The following PDZD7 variants were observed in gnomAD, a reference collection of about 807,000 sequenced individuals.
PDZD7 encodes the protein PDZ domain containing 7, also known as PDZ domain-containing protein 7.
Under a neutral mutation model 84.7 loss-of-function variants are expected in PDZD7, and 72 were observed. The ratio of observed to expected loss-of-function variants is 0.85; its 90% CI spans 0.70 to 1.03. PDZD7 has a LOEUF of 1.03. Ranked by LOEUF, PDZD7 falls within the 50% of genes least tolerant of loss-of-function variation. PDZD7 has a pLI of 0.00. For missense variants in PDZD7, 1,490 were observed against 1,412.9 expected, an observed-to-expected ratio of 1.05 and a Z score of -0.87; for synonymous variants, 594 against 580.7, an observed-to-expected ratio of 1.02 and a Z score of -0.33.
At chr10:101,011,311 G>C (rs764305581) in intron 14 of PDZD7, 11 of 401,052 alleles carry the variant, frequency 2.7e-5, no homozygotes, top group Middle Eastern at 8.6e-4. Flanking sequence ...AAAGTGCTGG[G>C]ATTACAGGCG....
intron 13 of PDZD7, 46 bp downstream of exon 13, chr10:101,011,879 C>A: frequency 6.5e-7 from 1 of 1,549,412 alleles, no homozygotes; most frequent in Non-Finnish European, 8.7e-7. Flanking sequence ...CCATCCCCAC[C>A]CCCAGCAGGG....
rs1853150471 is a variant in PDZD7, at chr10:101,022,216, C to T, written c.712G>A (p.Val238Met). The change falls in exon 5 of 17, where the codon GTG becomes ATG. Residue 238 changes from valine (V) to methionine (M), a missense_variant. Transcript: ENST00000619208. ...TCCTGCCTCAGCCCTCACTTGGACA[C>T]ATAGATGCCCAGGCCAAACTCCTTG... Reference protein sequence around the residue: ...GGKEFGLGIYVSKVDHGGLAE... With the variant: ...GGKEFGLGIYMSKVDHGGLAE... The T allele has an allele frequency of 6.2e-7, 1 of 1,614,094 alleles. No homozygotes were observed. Among genetic ancestry groups the T allele is most frequent in the African/African-American group, 1.3e-5 (1 of 74,936 alleles).
At chr10:101,016,261 C>T (rs1852620387) in intron 10 of PDZD7, 116 bp downstream of exon 10, 1 of 1,042,480 alleles carries the variant, frequency 9.6e-7, no homozygotes. Flanking sequence ...CTGCCTGATC[C>T]CCCATGCTTG....
intron 3 of PDZD7, 81 bp downstream of exon 3, chr10:101,023,847 C>G (rs1318481952): frequency 1.2e-6 from 2 of 1,606,862 alleles, no homozygotes; most frequent in Non-Finnish European, 1.7e-6. Flanking sequence ...TCCGTCTGTC[C>G]CTGACAGCAG....
intron 4 of PDZD7, 117 bp from the exon 5 acceptor site, chr10:101,022,502 G>A: frequency 3.4e-6 from 4 of 1,179,554 alleles, no homozygotes; most frequent in Non-Finnish European, 4.9e-6. Context: ...GACTCCCCAG[G>A]CCTGAGACCT....
At chr10:101,020,066 C>T (rs1412834102) in intron 7 of PDZD7, among the ~76,000 whole-genome samples, 1 of 150,414 alleles carries the variant, frequency 6.6e-6, no homozygotes, top group Admixed American at 6.6e-5. Flanking sequence ...GTAGCACAGA[C>T]CACAGGCCCT....
chr10:101,016,512 G>A, intron 9 of PDZD7, 85 bp from the exon 10 acceptor site: 1 of 1,403,664 alleles, frequency 7.1e-7, no homozygotes, highest in Non-Finnish European at 9.8e-7. Context: ...AAGCTGGAAT[G>A]GAGAATTCAG....
At chr10:101,023,325 G>A in intron 4 of PDZD7, 111 bp downstream of exon 4, 3 of 1,357,984 alleles carry the variant, frequency 2.2e-6, no homozygotes, top group South Asian at 1.2e-5. Context: ...CGTTTCCTGA[G>A]CCAGCGAGCA....
At chr10:101,020,556 C>T (rs542989771) in intron 7 of PDZD7, 62 bp downstream of exon 7, 25 of 1,493,430 alleles carry the variant, frequency 1.7e-5, no homozygotes, top group South Asian at 2.3e-5. Flanking sequence ...CTTCAGAGAG[C>T]CGGGCCCCAC....
chr10:101,028,390 C>T (rs557886432), intron 2 of PDZD7, among the ~76,000 whole-genome samples: 1 of 152,230 alleles, frequency 6.6e-6, no homozygotes, highest in East Asian at 1.9e-4. Flanking sequence ...GAGTTCAAGA[C>T]CAGCCTGGGC....
In PDZD7 at chr10:101,022,407, T is replaced by C. The variant is rs1366776373; in HGVS notation, c.543-22A>G. The C allele has an allele frequency of 9.9e-6, 16 of 1,613,176 alleles. No homozygotes were observed. In the South Asian group the frequency reaches 1.8e-4, roughly 18 times the overall value. ...CACCCTGGACAACAGCAGGGGGCCC[T>C]CAGGTGGGGTCCTCCATCCACTGCC... On this transcript the variant is annotated intron_variant, in intron 4 of 16. Transcript: ENST00000619208.
rs1852352991 is a variant in PDZD7 at position 101,010,404 on chromosome 10, C to G, written c.2485G>C (p.Glu829Gln). 1.3e-6 allele frequency: 2 copies of G among 1,536,198 alleles called. No homozygotes were observed. The highest frequency in any genetic ancestry group is 1.7e-6 in the Non-Finnish European group (2 of 1,146,930). Residue 829 changes from glutamate to glutamine, a missense_variant, in exon 15 of 17, where the codon GAG (glutamate) becomes CAG (glutamine). Glu to Gln is a conservative substitution (Grantham distance 29). Transcript: ENST00000619208. Reference protein sequence around the residue: ...RPPLPRPLDGEAAKVGAKQGP... With the variant: ...RPPLPRPLDGQAAKVGAKQGP... ...TGCTTGGCCCCCACCTTGGCTGCCT[C>G]CCCATCCAGAGGTCGTGGCAGAGGG...
chr10:101,017,023 AT>A (rs1403674778), intron 9 of PDZD7, among the ~76,000 whole-genome samples: 1 of 151,948 alleles, frequency 6.6e-6, no homozygotes, highest in Non-Finnish European at 1.5e-5. Context: ...CAGCACCCTG[AT>A]TTTCCCCTGG....
Position 101,008,820 on chromosome 10 carries a change from C to T in PDZD7, c.2749G>A (p.Glu917Lys). ...AGFELVAVDGENLEQVTHQRA... is the reference protein window; with the variant it reads ...AGFELVAVDGKNLEQVTHQRA... ...TGGTGGGTCACCTGCTCTAGATTCT[C>T]TCCGTCCACTGCCACAAGCTCGAAG... The change falls in exon 17 of 17, where the codon GAG (glutamate) becomes AAG (lysine). Residue 917 changes from glutamate to lysine, a missense_variant. Glu to Lys is a moderately conservative substitution (Grantham distance 56). Transcript: ENST00000619208. The T allele has an allele frequency of 1.3e-6, 2 of 1,514,866 alleles. No individual in the cohort carries two copies. The highest frequency in any genetic ancestry group is 1.8e-6 in the Non-Finnish European group (2 of 1,132,502). 93.8% of individuals were successfully genotyped at this position (1,514,866 alleles called of 1,614,324 possible).
At chr10:101,023,307 A>T in intron 4 of PDZD7, 129 bp downstream of exon 4, 1 of 1,103,238 alleles carries the variant, frequency 9.1e-7, no homozygotes, top group African/African-American at 1.6e-5. Context: ...AGGCCTTTGG[A>T]TCCCCTGCGT....
chr10:101,026,118 G>T (rs1185368989), intron 2 of PDZD7, among the ~76,000 whole-genome samples: 2 of 152,000 alleles, frequency 1.3e-5, no homozygotes, highest in African/African-American at 2.4e-5. Context: ...GTTCCTAAAG[G>T]TTGAACCTGT....
At chr10:101,026,486 G>A (rs1272851912) in intron 2 of PDZD7, among the ~76,000 whole-genome samples, 1 of 151,464 alleles carries the variant, frequency 6.6e-6, no homozygotes, top group East Asian at 1.9e-4. Context: ...ATGGGTGGGG[G>A]GTAAGGGGGG....
intron 15 of PDZD7, among the ~76,000 whole-genome samples, chr10:101,009,599 CTTTTTT>C (rs142806278): frequency 3.2e-5 from 2 of 62,232 alleles, no homozygotes; most frequent in Admixed American, 2.6e-4. Flanking sequence ...GAGACAGAGT[CTTTTTT>C]TTTTTTTTTT....
chr10:101,019,845 C>A lies in PDZD7; in HGVS notation c.929-628G>T, dbSNP rs60121354. ...TTCATCATGTTGGCCAGGCTGGTCT[C>A]GAGCACCTGACCTCAGGTGATCCAC... On this transcript the variant is annotated intron_variant, in intron 7 of 16. Coordinates refer to ENST00000619208, the MANE Select transcript of PDZD7 (RefSeq NM_001195263.2). 3.9e-3 allele frequency among the ~76,000 whole-genome samples: 583 copies of A among 151,328 alleles called. 7 individuals are homozygous for A. The highest frequency in any genetic ancestry group is 0.013 in the African/African-American group (549 of 41,256).
Sources: gnomAD v4.1 joint callset for allele counts (sites outside exome capture counted in the v4.1 genomes callset) on GRCh38, gnomAD v4.1.1 for gene constraint, MANE v1.5 for transcripts, NCBI Gene and HGNC (gene_info 2026-07-23, HGNC 2026-07-21) for gene names.